Variants in CTNNA2 observed in about 807,000 individuals in gnomAD.
CTNNA2 encodes the protein catenin alpha 2.
CTNNA2 carries 42 observed loss-of-function variants against 101.0 expected under a neutral mutation model. That is an observed-to-expected ratio of 0.42 (90% CI 0.32 to 0.54). The LOEUF (loss-of-function observed/expected upper bound fraction) is 0.54, where lower values mean the gene tolerates loss of function less well. Among genes scored for constraint, CTNNA2 ranks in the 20% least tolerant of loss-of-function variants. The probability of loss-of-function intolerance (pLI) is 0.14; values close to 1 mark genes in which losing one functional copy is unlikely to be tolerated. For missense variants in CTNNA2, 871 were observed against 1,223.1 expected, an observed-to-expected ratio of 0.71 and a Z score of 4.29; for synonymous variants, 450 against 456.4, an observed-to-expected ratio of 0.99 and a Z score of 0.18.
At chr2:80,098,686 T>C (rs1467545522) in intron 7 of CTNNA2, among the ~76,000 whole-genome samples, 1 of 152,210 alleles carries the variant, frequency 6.6e-6, no homozygotes, top group Admixed American at 6.5e-5. Flanking sequence ...TTTGTTTACC[T>C]ACTCAAGCCT....
intron 2 of CTNNA2, among the ~76,000 whole-genome samples, chr2:79,724,657 T>C (rs1401468885): frequency 6.6e-6 from 1 of 151,420 alleles, no homozygotes; most frequent in Non-Finnish European, 1.5e-5. Flanking sequence ...CTACTAAAAA[T>C]ACAAAAAATT....
chr2:80,596,375 T>A (rs1696979452), intron 15 of CTNNA2, among the ~76,000 whole-genome samples: 1 of 133,738 alleles, frequency 7.5e-6, no homozygotes, highest in African/African-American at 2.8e-5. Context: ...AGTGGCGTGA[T>A]CTCGGCTCAC....
chr2:79,490,556 T>C (rs542700154), intron 4 of CTNNA2, among the ~76,000 whole-genome samples: 1 of 152,328 alleles, frequency 6.6e-6, no homozygotes, highest in African/African-American at 2.4e-5. Flanking sequence ...GCTTACAACA[T>C]GACCGTCCAT....
In CTNNA2 at chr2:79,191,632, C is replaced by T. The variant is rs12621826; in HGVS notation, c.-524+6201C>T. ...CTTTACTTCTTATGAAGGGCTACAA[C>T]TTGCAGGCTGGGAAGCACAGCCTCT... On this transcript the variant is annotated intron_variant, in intron 1 of 21. Coordinates refer to the CTNNA2 transcript ENST00000466387. Among the ~76,000 whole-genome samples, 1,041 of 152,276 alleles carry T rather than the reference C, an allele frequency of 6.8e-3. 10 individuals are homozygous for T. The highest frequency in any genetic ancestry group is 0.055 in the East Asian group (282 of 5,172).
At chr2:80,192,643 C>T (rs1322086199) in intron 7 of CTNNA2, among the ~76,000 whole-genome samples, 4 of 152,270 alleles carry the variant, frequency 2.6e-5, no homozygotes, top group South Asian at 4.1e-4. Context: ...TCTCCTGCCT[C>T]AGCCTCCCGA....
Position 79,721,515 on chromosome 2 carries a change from G to A in CTNNA2, c.103-22872G>A, listed in dbSNP as rs138394455. ...AGATTATGTTTCCAACACATGAAAT[G>A]TGGGGGACATATTCAAATCCTAGCA... On this transcript the variant is annotated intron_variant, in intron 2 of 18. Coordinates refer to ENST00000402739, the MANE Select transcript of CTNNA2 (RefSeq NM_001282597.3). Among the ~76,000 whole-genome samples, 341 of 152,312 alleles carry A rather than the reference G, an allele frequency of 2.2e-3. 13 individuals carry two copies. The East Asian group carries it at 0.059, about 26-fold the overall frequency.
chr2:79,957,812 T>C (rs190137596), intron 7 of CTNNA2, among the ~76,000 whole-genome samples: 2 of 152,336 alleles, frequency 1.3e-5, no homozygotes, highest in African/African-American at 4.8e-5. Flanking sequence ...AGCTGTTACT[T>C]TTCAACCTTA....
chr2:80,546,439 C>T (rs1050962912), intron 11 of CTNNA2, among the ~76,000 whole-genome samples: 1 of 152,104 alleles, frequency 6.6e-6, no homozygotes, highest in Non-Finnish European at 1.5e-5. Flanking sequence ...ATCAGTTACT[C>T]CAATTTGGCT....
chr2:80,147,540 C>A lies in CTNNA2; in HGVS notation c.1056+237743C>A, dbSNP rs912667336. 2.0e-5 allele frequency among the ~76,000 whole-genome samples: 3 copies of A among 152,188 alleles called. No individual in the cohort carries two copies. In the East Asian group the frequency reaches 5.8e-4, roughly 29 times the overall value. On this transcript the variant is annotated intron_variant, in intron 7 of 18. Coordinates refer to ENST00000402739, the MANE Select transcript of CTNNA2 (RefSeq NM_001282597.3). ...ACCCACGATGAACTCCAACAGGACT[C>A]CCTGTCAGATTTTCCAACAAAATGC...
At chr2:79,378,799 T>A (rs1678008007) in intron 4 of CTNNA2, among the ~76,000 whole-genome samples, 1 of 152,174 alleles carries the variant, frequency 6.6e-6, no homozygotes, top group Non-Finnish European at 1.5e-5. Context: ...ATATTCTCTA[T>A]CAGGACCCTT....
At chr2:79,559,498 A>G (rs758521933) in intron 1 of CTNNA2, among the ~76,000 whole-genome samples, 2 of 151,972 alleles carry the variant, frequency 1.3e-5, no homozygotes, top group Non-Finnish European at 2.9e-5. Context: ...CTTAAGAAAT[A>G]TTGCAGAGAC....
intron 9 of CTNNA2, among the ~76,000 whole-genome samples, chr2:80,483,567 G>A (rs1160229269): frequency 6.6e-6 from 1 of 151,924 alleles, no homozygotes; most frequent in Non-Finnish European, 1.5e-5. Flanking sequence ...TTCCTGTCTT[G>A]GAAGAGGGGT....
chr2:80,347,452 C>T (rs544449918), intron 7 of CTNNA2, among the ~76,000 whole-genome samples: 2 of 152,252 alleles, frequency 1.3e-5, no homozygotes, highest in East Asian at 1.9e-4. Context: ...TATGTGCCCA[C>T]GAATGTCATC....
intron 9 of CTNNA2, among the ~76,000 whole-genome samples, chr2:80,520,896 A>G (rs1686605194): frequency 6.6e-6 from 1 of 152,096 alleles, no homozygotes; most frequent in Non-Finnish European, 1.5e-5. Context: ...CTGTGAGTTG[A>G]GAGGTTTGGT....
chr2:80,048,866 G>A (rs953932926), intron 7 of CTNNA2, among the ~76,000 whole-genome samples: 10 of 152,158 alleles, frequency 6.6e-5, no homozygotes, highest in Admixed American at 5.9e-4. Flanking sequence ...AGGCAAGAGT[G>A]CACAGCAAGA....
chr2:80,521,899 C>G (rs1326167982), intron 9 of CTNNA2, among the ~76,000 whole-genome samples: 2 of 152,130 alleles, frequency 1.3e-5, no homozygotes, highest in African/African-American at 4.8e-5. Flanking sequence ...TGCATTACTT[C>G]AGAAGAAGCA....
intron 2 of CTNNA2, among the ~76,000 whole-genome samples, chr2:79,669,857 A>G (rs1682705780): frequency 6.6e-6 from 1 of 152,114 alleles, no homozygotes; most frequent in African/African-American, 2.4e-5. Flanking sequence ...GTGCATGCCC[A>G]TTGGTCCATG....
intron 4 of CTNNA2, among the ~76,000 whole-genome samples, chr2:79,416,357 C>T (rs1678481713): frequency 6.9e-6 from 1 of 144,760 alleles, no homozygotes; most frequent in African/African-American, 2.5e-5. Flanking sequence ...TGTTACAAAT[C>T]CAAATTCTAA....
At chr2:79,921,480 C>T (rs1044217008) in intron 7 of CTNNA2, among the ~76,000 whole-genome samples, 9 of 152,148 alleles carry the variant, frequency 5.9e-5, no homozygotes, top group Non-Finnish European at 1.2e-4. Flanking sequence ...AGCAAATCTT[C>T]ACCAGCACTT....
Sources: allele counts gnomAD v4.1 joint callset (sites outside exome capture counted in the v4.1 genomes callset), GRCh38; gene constraint gnomAD v4.1.1; transcripts MANE v1.5; gene names NCBI Gene and HGNC (gene_info 2026-07-23, HGNC 2026-07-21).